Variants in GLDC observed in about 807,000 individuals in gnomAD.
The protein encoded by GLDC is glycine dehydrogenase (decarboxylating), mitochondrial.
In GLDC, 104 loss-of-function variants were observed where a neutral mutation model predicts 121.3. The observed-to-expected ratio is 0.86, with a 90% CI of 0.73 to 1.01. The LOEUF (loss-of-function observed/expected upper bound fraction) is 1.01. GLDC is among the 50% of genes least tolerant of loss of function. The pLI is 0.00. For synonymous variants in GLDC, 546 were observed against 480.6 expected (o/e 1.14, Z -1.78); for missense variants, 1,429 against 1,306.6 (o/e 1.09, Z -1.44).
chr9:6,645,560 C>A lies in GLDC; in HGVS notation c.-61G>T. On this transcript the variant is annotated 5_prime_UTR_variant, in exon 1 of 25. Coordinates refer to ENST00000321612, the MANE Select transcript of GLDC (RefSeq NM_000170.3). ...GGTCAGCCGCGCTCTTGGCCCCTCTCCTGGCCTCGGTCCCCCGGGTGGCGG... is the reference window on the plus strand; with the variant it reads ...GGTCAGCCGCGCTCTTGGCCCCTCTACTGGCCTCGGTCCCCCGGGTGGCGG... The A allele has an allele frequency of 8.3e-7, 1 of 1,206,008 alleles. No homozygotes were observed. Among genetic ancestry groups the A allele is most frequent in the South Asian group, 2.6e-5 (1 of 38,020 alleles). 74.7% of individuals were successfully genotyped at this position (1,206,008 alleles called of 1,614,324 possible). A position where few individuals can be genotyped will look rare whatever the true frequency, so the allele number is the denominator to read the frequency against.
At chr9:6,610,406 G>A (rs780323473) in intron 3 of GLDC, 50 bp from the exon 4 acceptor site, 26 of 1,585,234 alleles carry the variant, frequency 1.6e-5, no homozygotes, top group Non-Finnish European at 2.3e-5. Context: ...GTTTAGAGAA[G>A]CACACAAAAT....
In GLDC at chr9:6,601,130, G is replaced by A. The variant is rs12003134; in HGVS notation, c.1155+979C>T. On this transcript the variant is annotated intron_variant, in intron 8 of 24. Coordinates refer to ENST00000321612, the MANE Select transcript of GLDC (RefSeq NM_000170.3). The stretch of plus-strand genomic sequence containing the variant: ...AGAGGTTGCAGTGAGCTGAGATTGC[G>A]CCACTGCACTCCAGCCTGGGCGACA... 3.9e-3 allele frequency among the ~76,000 whole-genome samples: 598 copies of A among 152,184 alleles called. 5 individuals carry two copies. Among genetic ancestry groups the A allele is most frequent in the African/African-American group, 0.013 (523 of 41,518 alleles).
intron 2 of GLDC, among the ~76,000 whole-genome samples, chr9:6,621,505 C>G (rs78246722): frequency 6.6e-6 from 1 of 152,006 alleles, no homozygotes; most frequent in Non-Finnish European, 1.5e-5. Flanking sequence ...ATGGACAGCT[C>G]TTATACTGAA....
chr9:6,640,687 C>T (rs2130016404), intron 2 of GLDC, among the ~76,000 whole-genome samples: 1 of 152,292 alleles, frequency 6.6e-6, no homozygotes, highest in South Asian at 2.1e-4. Context: ...AAACTTTAAT[C>T]CCTGCAGTTT....
chr9:6,577,187 G>C (rs982785496), intron 15 of GLDC, among the ~76,000 whole-genome samples: 1 of 152,248 alleles, frequency 6.6e-6, no homozygotes, highest in Non-Finnish European at 1.5e-5. Context: ...GAGAAATCCA[G>C]ATGCAGGCCT....
intron 18 of GLDC, chr9:6,555,018 A>C: frequency 1.7e-6 from 1 of 583,394 alleles, no homozygotes; most frequent in Non-Finnish European, 3.1e-6. Flanking sequence ...ATTTAGTCCA[A>C]TTTAGATTTA....
At chr9:6,624,167 G>A (rs1326056958) in intron 2 of GLDC, among the ~76,000 whole-genome samples, 1 of 152,248 alleles carries the variant, frequency 6.6e-6, no homozygotes, top group Non-Finnish European at 1.5e-5. Context: ...CAGCACTATA[G>A]TCCAGGAGGG....
intron 11 of GLDC, among the ~76,000 whole-genome samples, chr9:6,590,079 G>T (rs969243605): frequency 6.6e-6 from 1 of 151,764 alleles, no homozygotes; most frequent in Non-Finnish European, 1.5e-5. Flanking sequence ...AAATATAGGG[G>T]CTAATCTGCA....
chr9:6,592,463 T>C (rs1276944609), intron 10 of GLDC, among the ~76,000 whole-genome samples: 1 of 152,202 alleles, frequency 6.6e-6, no homozygotes, highest in African/African-American at 2.4e-5. Context: ...TGCAGGACAC[T>C]CCTTTTGAAG....
intron 2 of GLDC, among the ~76,000 whole-genome samples, chr9:6,643,329 C>T (rs985989730): frequency 2.0e-5 from 3 of 151,564 alleles, no homozygotes; most frequent in African/African-American, 4.9e-5. Context: ...AAGGCAGCAG[C>T]CCTCAGCATA....
intron 2 of GLDC, among the ~76,000 whole-genome samples, chr9:6,640,024 A>C (rs1819596637): frequency 1.3e-5 from 2 of 152,134 alleles, no homozygotes; most frequent in African/African-American, 4.8e-5. Context: ...AACCAATCAC[A>C]TCAGTTGCCC....
intron 15 of GLDC, among the ~76,000 whole-genome samples, chr9:6,582,015 G>GCCTGGCCA: frequency 6.6e-6 from 1 of 151,880 alleles, no homozygotes; most frequent in Admixed American, 6.6e-5. Flanking sequence ...AGGAGTTTGA[G>GCCTGGCCA]ACCAGCCTGG....
chr9:6,582,588 G>C (rs1442370031), intron 15 of GLDC, among the ~76,000 whole-genome samples: 2 of 152,040 alleles, frequency 1.3e-5, no homozygotes, highest in Admixed American at 6.5e-5. Context: ...CCAGCACTTT[G>C]AGAGGCCGAG....
chr9:6,581,095 C>A (rs1818162572), intron 15 of GLDC, among the ~76,000 whole-genome samples: 1 of 152,328 alleles, frequency 6.6e-6, no homozygotes, highest in East Asian at 1.9e-4. Context: ...AACTATCAAG[C>A]CTCAAGTATT....
intron 5 of GLDC, 151 bp from the exon 6 acceptor site, chr9:6,605,429 A>T: frequency 1.4e-6 from 1 of 724,214 alleles, no homozygotes; most frequent in Non-Finnish European, 2.4e-6. Context: ...CAGGCACTTC[A>T]GTGGTAACTA....
intron 19 of GLDC, 44 bp downstream of exon 19, chr9:6,554,625 T>C: frequency 7.5e-7 from 1 of 1,340,906 alleles, no homozygotes; most frequent in South Asian, 1.2e-5. Flanking sequence ...CACTCCTTCA[T>C]TCTGTCTCCA....
chr9:6,626,171 T>C (rs1299604983), intron 2 of GLDC, among the ~76,000 whole-genome samples: 2 of 151,822 alleles, frequency 1.3e-5, no homozygotes, highest in South Asian at 2.1e-4. Context: ...CTAGCTGTTA[T>C]GTTAATTCTC....
chr9:6,571,537 G>C, intron 15 of GLDC, among the ~76,000 whole-genome samples: 1 of 152,110 alleles, frequency 6.6e-6, no homozygotes, highest in Admixed American at 6.6e-5. Flanking sequence ...ACTGTTCCTT[G>C]AAAGCGCTGT....
chr9:6,570,374 C>T lies in GLDC; in HGVS notation c.1851-4945G>A, dbSNP rs1817936322. ...TATATATTTTTGAATTACTAAATAT[C>T]TAGATTGACCATATCTATTTTTGTT... On this transcript the variant is annotated intron_variant, in intron 15 of 24. Transcript: ENST00000321612. Among the ~76,000 whole-genome samples, 3 of 152,116 alleles carry T rather than the reference C, an allele frequency of 2.0e-5. No homozygotes were observed. In the South Asian group the frequency reaches 6.2e-4, roughly 32 times the overall value.
Sources: gnomAD v4.1 joint callset for allele counts (sites outside exome capture counted in the v4.1 genomes callset) on GRCh38, gnomAD v4.1.1 for gene constraint, MANE v1.5 for transcripts, NCBI Gene and HGNC (gene_info 2026-07-23, HGNC 2026-07-21) for gene names.